The following CCDC73 variants were observed in gnomAD, a reference collection of about 807,000 sequenced individuals.
CCDC73 encodes coiled-coil domain-containing protein 73.
CCDC73 carries 95 observed loss-of-function variants against 116.5 expected under a neutral mutation model. The ratio of observed to expected loss-of-function variants is 0.82; its 90% CI spans 0.69 to 0.97. The LOEUF (loss-of-function observed/expected upper bound fraction) is 0.97, where lower values mean the gene tolerates loss of function less well. Among genes scored for constraint, CCDC73 ranks in the 50% least tolerant of loss-of-function variants. The probability of loss-of-function intolerance (pLI) is 0.00; values close to 1 mark genes in which losing one functional copy is unlikely to be tolerated. For synonymous variants in CCDC73, 398 were observed against 401.3 expected, an observed-to-expected ratio of 0.99 and a Z score of 0.10; for missense variants, 1,066 against 1,206.8, an observed-to-expected ratio of 0.88 and a Z score of 1.73.
chr11:32,655,036 C>T (rs2133263357), intron 9 of CCDC73, 64 bp from the exon 10 acceptor site: 1 of 963,764 alleles, frequency 1.0e-6, no homozygotes, highest in Non-Finnish European at 1.3e-6. Context: ...AAGGTACTTT[C>T]CTGACAGTTT....
chr11:32,804,222 T>A, the CCDC73 span, among the ~76,000 whole-genome samples: 1 of 152,220 alleles, frequency 6.6e-6, no homozygotes, highest in Middle Eastern at 3.2e-3. Flanking sequence ...CACTGCAACA[T>A]CTGCCTCCCA....
At chr11:32,655,082 T>TTTATTTCATATATCAAG in intron 9 of CCDC73, 110 bp from the exon 10 acceptor site, 3 of 123,218 alleles carry the variant, frequency 2.4e-5, no homozygotes, top group Non-Finnish European at 4.2e-5. Flanking sequence ...TATAATTTGT[T>TTTATTTCATATATCAAG]ATAATTCCCT....
intron 3 of CCDC73, among the ~76,000 whole-genome samples, chr11:32,716,189 A>G (rs1430998872): frequency 2.0e-5 from 3 of 152,202 alleles, no homozygotes; most frequent in African/African-American, 7.2e-5. Context: ...TGCTAACAAC[A>G]TATGAAAGTT....
the CCDC73 span, among the ~76,000 whole-genome samples, chr11:32,819,107 T>C: frequency 6.6e-6 from 1 of 152,176 alleles, no homozygotes; most frequent in African/African-American, 2.4e-5. Flanking sequence ...GTTTTTTATA[T>C]TACCATTCAT....
chr11:32,815,601 G>A, the CCDC73 span, among the ~76,000 whole-genome samples: 1 of 152,168 alleles, frequency 6.6e-6, no homozygotes, highest in Non-Finnish European at 1.5e-5. Flanking sequence ...AAAGAAAAAG[G>A]TTTGTTACCT....
chr11:32,787,891 A>C (rs1488980083), intron 1 of CCDC73, among the ~76,000 whole-genome samples: 2 of 152,164 alleles, frequency 1.3e-5, no homozygotes, highest in Non-Finnish European at 2.9e-5. Context: ...GACCTTTTAT[A>C]ATCTAATAAA....
chr11:32,712,863 T>C (rs1422337118), intron 3 of CCDC73, among the ~76,000 whole-genome samples: 2 of 151,942 alleles, frequency 1.3e-5, no homozygotes, highest in East Asian at 1.9e-4. Flanking sequence ...AATGAAAAAA[T>C]ATACTAATGT....
intron 13 of CCDC73, 95 bp downstream of exon 13, chr11:32,641,877 T>C: frequency 1.0e-6 from 1 of 977,428 alleles, no homozygotes; most frequent in Non-Finnish European, 1.3e-6. Context: ...TTTAGTCCTC[T>C]AATATTTTTG....
intron 12 of CCDC73, among the ~76,000 whole-genome samples, chr11:32,652,615 T>A (rs558587695): frequency 2.0e-4 from 30 of 152,290 alleles, no homozygotes; most frequent in African/African-American, 7.2e-4. Context: ...TCCCAAATTA[T>A]CAATGGCCAA....
chr11:32,814,092 C>T, the CCDC73 span, among the ~76,000 whole-genome samples: 1 of 152,156 alleles, frequency 6.6e-6, no homozygotes, highest in Admixed American at 6.5e-5. Flanking sequence ...AGTTTCTATG[C>T]CTGCCTCCTT....
chr11:32,778,073 G>A (rs1850552546), intron 1 of CCDC73, among the ~76,000 whole-genome samples: 1 of 152,090 alleles, frequency 6.6e-6, no homozygotes, highest in South Asian at 2.1e-4. Context: ...TTACGTATCT[G>A]CTTAATAATA....
At chr11:32,726,959 T>C (rs979901105) in intron 2 of CCDC73, among the ~76,000 whole-genome samples, 4 of 152,182 alleles carry the variant, frequency 2.6e-5, no homozygotes, top group Non-Finnish European at 2.9e-5. Context: ...GTCTTATAAA[T>C]GCCAGGATCC....
At chr11:32,783,441 A>T (rs941277448) in intron 1 of CCDC73, among the ~76,000 whole-genome samples, 1 of 152,174 alleles carries the variant, frequency 6.6e-6, no homozygotes, top group African/African-American at 2.4e-5. Flanking sequence ...TCCTTGTCTT[A>T]ATCTGTTCAG....
At chr11:32,659,637 A>C (rs991895651) in intron 9 of CCDC73, among the ~76,000 whole-genome samples, 2 of 152,196 alleles carry the variant, frequency 1.3e-5, no homozygotes, top group African/African-American at 4.8e-5. Context: ...AGTATTTGGT[A>C]ATGAAAAACA....
In CCDC73 at chr11:32,654,960, C is replaced by CT; in HGVS notation, c.657dup (p.Ala220SerfsTer15). 1.3e-6 allele frequency: 2 copies of CT among 1,589,420 alleles called. No individual in the cohort carries two copies. The highest frequency in any genetic ancestry group is 1.7e-6 in the Non-Finnish European group (2 of 1,173,796). On this transcript the variant is annotated frameshift_variant, in exon 10 of 18. Transcript: ENST00000335185. LOFTEE classifies it high-confidence loss of function. ...TTGGACTTTATCAAGTCTGAGGCTG[C>CT]TTTTTTTAGTTCCTTAATAAGAAAC... is the stretch of plus-strand genomic sequence containing the variant.
Position 32,602,893 on chromosome 11 carries a change from T to A in CCDC73, c.3158A>T (p.Asn1053Ile). ...LITNQLNKSE[N>I]LLSLENDNQP... ...GTTGTCATTTTCTAAACTTAGTAAA[T>A]TTTCACTTTTATTTAGTTGATTCGT... Residue 1053 changes from asparagine (N) to isoleucine (I), a missense_variant, in exon 18 of 18, where the codon AAT becomes ATT. Transcript: ENST00000335185. 1 of 1,612,166 alleles carries A rather than the reference T, an allele frequency of 6.2e-7. No individual in the cohort carries two copies. The highest frequency in any genetic ancestry group is 8.5e-7 in the Non-Finnish European group (1 of 1,179,280).
intron 2 of CCDC73, among the ~76,000 whole-genome samples, chr11:32,730,895 G>A (rs1252587484): frequency 6.6e-6 from 1 of 152,192 alleles, no homozygotes; most frequent in African/African-American, 2.4e-5. Context: ...GGTACCGGGT[G>A]CATCTCACTG....
chr11:32,729,202 G>T (rs1017635210), intron 2 of CCDC73, among the ~76,000 whole-genome samples: 2 of 152,118 alleles, frequency 1.3e-5, no homozygotes, highest in Non-Finnish European at 2.9e-5. Flanking sequence ...TCCAGTGTAT[G>T]TTGTTCCCCA....
Position 32,613,813 on chromosome 11 carries a change from T to C in CCDC73, c.2505A>G (p.Arg835=). 2 of 1,613,774 alleles carry C rather than the reference T, an allele frequency of 1.2e-6. No homozygotes were observed. Among genetic ancestry groups the C allele is most frequent in the Admixed American group, 1.7e-5 (1 of 60,022 alleles). Residue 835 remains arginine, a synonymous_variant, in exon 16 of 18, where the codon AGA becomes AGG. Transcript: ENST00000335185. ...CTGTATTATTTAACAATGTATGCTG[T>C]CTTTCATTAATGCTCACAAAAAGGA... is the stretch of plus-strand genomic sequence containing the variant. ...DLFLFVSINE[R]QHTLLNNTEK...
Sources: gnomAD v4.1 joint callset for allele counts (sites outside exome capture counted in the v4.1 genomes callset) on GRCh38, gnomAD v4.1.1 for gene constraint, MANE v1.5 for transcripts, NCBI Gene and HGNC (gene_info 2026-07-23, HGNC 2026-07-21) for gene names.